The following PPP3CA variants were observed in gnomAD, a reference collection of about 807,000 sequenced individuals.
PPP3CA encodes protein phosphatase 3 catalytic subunit alpha.
A neutral mutation model predicts 66.5 loss-of-function variants in PPP3CA; 14 were observed. The ratio of observed to expected loss-of-function variants is 0.21; its 90% confidence interval spans 0.14 to 0.33. The LOEUF (loss-of-function observed/expected upper bound fraction) is 0.33, where lower values mean the gene tolerates loss of function less well. PPP3CA is among the 10% of genes least tolerant of loss of function. The probability of loss-of-function intolerance (pLI) is 1.00; values close to 1 mark genes in which losing one functional copy is unlikely to be tolerated. For missense variants in PPP3CA, 317 were observed against 639.5 expected, an observed-to-expected ratio of 0.50 and a Z score of 5.44; for synonymous variants, 232 against 226.2, an observed-to-expected ratio of 1.03 and a Z score of -0.23.
chr4:101,127,049 C>T (rs1314498726), intron 2 of PPP3CA, among the ~76,000 whole-genome samples: 2 of 152,094 alleles, frequency 1.3e-5, no homozygotes, highest in Admixed American at 1.3e-4. Context: ...CCCCTTACAC[C>T]CATCCCAGGG....
At chr4:101,089,980 G>A (rs1435818563) in intron 6 of PPP3CA, among the ~76,000 whole-genome samples, 1 of 152,150 alleles carries the variant, frequency 6.6e-6, no homozygotes, top group African/African-American at 2.4e-5. Flanking sequence ...GCATAGCAAA[G>A]TAAACACACA....
chr4:101,279,957 A>G (rs1290145560), intron 1 of PPP3CA, among the ~76,000 whole-genome samples: 4 of 152,234 alleles, frequency 2.6e-5, no homozygotes, highest in Non-Finnish European at 5.9e-5. Flanking sequence ...TGACGGAAGC[A>G]CTTTCACATT....
chr4:101,275,268 C>T (rs1352536193), intron 1 of PPP3CA, among the ~76,000 whole-genome samples: 1 of 152,202 alleles, frequency 6.6e-6, no homozygotes, highest in Non-Finnish European at 1.5e-5. Flanking sequence ...CCACCCATAT[C>T]TCAGGTCCTG....
At chr4:101,259,030 C>T (rs528485441) in intron 1 of PPP3CA, among the ~76,000 whole-genome samples, 1 of 152,212 alleles carries the variant, frequency 6.6e-6, no homozygotes, top group South Asian at 2.1e-4. Context: ...TGGGTTTCTC[C>T]ATCTACCAAA....
At chr4:101,095,949 C>A (rs1433701949) in intron 5 of PPP3CA, among the ~76,000 whole-genome samples, 3 of 152,010 alleles carry the variant, frequency 2.0e-5, no homozygotes, top group South Asian at 4.2e-4. Flanking sequence ...CATGCTTGGC[C>A]CAGAAAGAAA....
chr4:101,064,860 ATATTG>A (rs1728616259), intron 8 of PPP3CA, among the ~76,000 whole-genome samples: 1 of 152,054 alleles, frequency 6.6e-6, no homozygotes, highest in Non-Finnish European at 1.5e-5. Flanking sequence ...TATATATATC[ATATTG>A]TAGCCTAACA....
rs1728445821 is a variant in PPP3CA at position 101,061,181 on chromosome 4, A to G, written c.1082-20T>C. Reference sequence around the variant, plus strand: ...CAGTCACTAAAGAGAGAAAGCAAAGAAAGAAAAGTCAGGGTTTTCTGTTAT... The same window carrying G: ...CAGTCACTAAAGAGAGAAAGCAAAGGAAGAAAAGTCAGGGTTTTCTGTTAT... On this transcript the variant is annotated intron_variant, in intron 9 of 13. Transcript: ENST00000394854. 6.2e-7 allele frequency: 1 copy of G among 1,604,372 alleles called. No individual in the cohort carries two copies.
chr4:101,125,916 A>G (rs1722230210), intron 2 of PPP3CA, among the ~76,000 whole-genome samples: 1 of 152,102 alleles, frequency 6.6e-6, no homozygotes, highest in African/African-American at 2.4e-5. Context: ...TCACCTCATC[A>G]CTTTCTTCTC....
At chr4:101,154,201 C>A (rs1723235449) in intron 2 of PPP3CA, among the ~76,000 whole-genome samples, 1 of 152,164 alleles carries the variant, frequency 6.6e-6, no homozygotes, top group East Asian at 1.9e-4. Flanking sequence ...CAGAATGCTT[C>A]AAAAACTGTG....
chr4:101,076,707 T>A (rs563223676), intron 8 of PPP3CA, among the ~76,000 whole-genome samples: 1 of 152,274 alleles, frequency 6.6e-6, no homozygotes, highest in Admixed American at 6.5e-5. Context: ...CAGGTGATAA[T>A]GGTAGTTTCA....
chr4:101,124,719 AAGAAAGAGAAAGAAAGAAAGAAAGAAAG>A (rs1722163036), intron 2 of PPP3CA, among the ~76,000 whole-genome samples: 1 of 79,652 alleles, frequency 1.3e-5, no homozygotes, highest in African/African-American at 4.5e-5. Context: ...GAAAGAAAGA[AAGAAAGAGAAAGAAAGAAAGAAAGAAAG>A]AAAGAAAGAA....
intron 1 of PPP3CA, among the ~76,000 whole-genome samples, chr4:101,320,444 A>T (rs1181625821): frequency 2.0e-5 from 3 of 150,056 alleles, no homozygotes; most frequent in Non-Finnish European, 3.0e-5. Flanking sequence ...ACATACACAA[A>T]ACCACTCATA....
intron 2 of PPP3CA, among the ~76,000 whole-genome samples, chr4:101,154,951 G>C (rs1315138530): frequency 6.6e-6 from 1 of 151,276 alleles, no homozygotes; most frequent in African/African-American, 2.4e-5. Flanking sequence ...AGAGTAGCTG[G>C]GACTACAGGT....
intron 5 of PPP3CA, among the ~76,000 whole-genome samples, chr4:101,097,821 A>G (rs917028034): frequency 2.0e-5 from 3 of 152,186 alleles, no homozygotes; most frequent in Admixed American, 2.0e-4. Flanking sequence ...GCTAAACTGG[A>G]GTATTTCTTA....
At chr4:101,057,045 CT>C (rs928501652) in intron 10 of PPP3CA, among the ~76,000 whole-genome samples, 2 of 151,386 alleles carry the variant, frequency 1.3e-5, no homozygotes, top group African/African-American at 4.9e-5. Context: ...TATATAATAT[CT>C]TAAGTAGAAT....
intron 2 of PPP3CA, among the ~76,000 whole-genome samples, chr4:101,113,877 T>C (rs1721756697): frequency 6.6e-6 from 1 of 152,124 alleles, no homozygotes; most frequent in African/African-American, 2.4e-5. Context: ...ATACAAGCTG[T>C]CTGCTTGGTT....
rs188672675 is a variant in PPP3CA, at chr4:101,233,881, C to A, written c.59-37765G>T. Reference sequence around the variant, plus strand: ...TCACTCAGGTAGGAGGCGTCATACCCAATAGATATTTTTTTCTGATCTTCT... The same window carrying A: ...TCACTCAGGTAGGAGGCGTCATACCAAATAGATATTTTTTTCTGATCTTCT... On this transcript the variant is annotated intron_variant, in intron 1 of 13. Coordinates refer to ENST00000394854, the MANE Select transcript of PPP3CA (RefSeq NM_000944.5). 3.3e-5 allele frequency among the ~76,000 whole-genome samples: 5 copies of A among 151,668 alleles called. No homozygotes were observed. The East Asian group carries it at 9.8e-4, about 30-fold the overall frequency.
chr4:101,184,383 A>C (rs1724340737), intron 2 of PPP3CA, among the ~76,000 whole-genome samples: 1 of 152,166 alleles, frequency 6.6e-6, no homozygotes, highest in African/African-American at 2.4e-5. Flanking sequence ...CAGCTTCTTT[A>C]TCTATAACTG....
chr4:101,336,503 C>A lies in PPP3CA; in HGVS notation c.58+10236G>T, dbSNP rs574369538. 1.5e-3 allele frequency among the ~76,000 whole-genome samples: 230 copies of A among 150,392 alleles called. 1 individual carries two copies. The highest frequency in any genetic ancestry group is 5.4e-3 in the African/African-American group (219 of 40,856). On this transcript the variant is annotated intron_variant, in intron 1 of 13. Coordinates refer to ENST00000394854, the MANE Select transcript of PPP3CA (RefSeq NM_000944.5). ...ACAAGAATCGTTTGAACTTCAGGAG[C>A]CGGAGGTTGCAGTGAGCCAAGATCG...
Sources: allele counts gnomAD v4.1 joint callset (sites outside exome capture counted in the v4.1 genomes callset), GRCh38; gene constraint gnomAD v4.1.1; transcripts MANE v1.5; gene names NCBI Gene and HGNC (gene_info 2026-07-23, HGNC 2026-07-21).